ZNF787: variants seen among roughly 807,000 people sequenced by gnomAD.
ZNF787 encodes the protein zinc finger protein 787, also known as TTF-I-interacting peptide 20.
ZNF787 carries 7 observed loss-of-function variants against 16.9 expected under a neutral mutation model. The observed-to-expected ratio is 0.42, with a 90% confidence interval of 0.24 to 0.78. The LOEUF is 0.78. Ranked by LOEUF, ZNF787 falls within the 30% of genes least tolerant of loss-of-function variation. ZNF787 has a pLI of 0.30. For synonymous variants in ZNF787, 345 were observed against 270.9 expected, an observed-to-expected ratio of 1.27 and a Z score of -2.69; for missense variants, 551 against 589.3, an observed-to-expected ratio of 0.94 and a Z score of 0.67.
chr19:56,094,581 G>A (rs1176077096), intron 2 of ZNF787, among the ~76,000 whole-genome samples: 4 of 151,940 alleles, frequency 2.6e-5, no homozygotes, highest in African/African-American at 9.7e-5. Context: ...CATTCTGAAA[G>A]GTTTTTGTTC....
intron 2 of ZNF787, among the ~76,000 whole-genome samples, chr19:56,100,252 A>T (rs1986040686): frequency 1.3e-5 from 2 of 151,908 alleles, no homozygotes; most frequent in South Asian, 4.1e-4. Flanking sequence ...TGCCTCCAAC[A>T]CAGGACATAG....
At chr19:56,119,457 T>C (rs923525233) in intron 1 of ZNF787, among the ~76,000 whole-genome samples, 2 of 152,218 alleles carry the variant, frequency 1.3e-5, no homozygotes, top group African/African-American at 4.8e-5. Context: ...CCATTTACTT[T>C]ACACCCATCT....
In ZNF787 at chr19:56,088,309, C is replaced by G. The variant is rs1985419080; in HGVS notation, c.863G>C (p.Gly288Ala). ...CAGGAGCCCGGCCCCGTGCCCGAAG[C>G]CCTTCCCGCACTCCAGACACACGTA... Reference protein sequence around the residue: ...KPYVCLECGKGFGHGAGLLAH... With the variant: ...KPYVCLECGKAFGHGAGLLAH... The change falls in exon 3 of 3, where the codon GGC becomes GCC. Residue 288 changes from glycine (G) to alanine (A), a missense_variant. Physicochemically the swap from Gly to Ala is moderately conservative, Grantham distance 60. This residue lies in a region of ZNF787 where 392 missense variants were observed against 312.7 expected (regional missense o/e 1.25). Transcript: ENST00000610935. The surrounding 1 kb of genome is among the most constrained non-coding windows in gnomAD (Gnocchi z 8.6). 1.5e-6 allele frequency: 2 copies of G among 1,333,070 alleles called. No individual in the cohort carries two copies. The highest frequency in any genetic ancestry group is 4.1e-5 in the Admixed American group (1 of 24,620). 82.6% of individuals were successfully genotyped at this position (1,333,070 alleles called of 1,614,324 possible).
chr19:56,112,408 G>A (rs532763163), intron 1 of ZNF787, among the ~76,000 whole-genome samples: 44 of 152,264 alleles, frequency 2.9e-4, no homozygotes, highest in Non-Finnish European at 3.8e-4. Context: ...CCTGGAGCAC[G>A]GGCAGGGGTG....
At chr19:56,115,403 G>A (rs1280858251) in intron 1 of ZNF787, among the ~76,000 whole-genome samples, 1 of 139,454 alleles carries the variant, frequency 7.2e-6, no homozygotes, top group African/African-American at 2.7e-5. Flanking sequence ...CTGTCGCCCA[G>A]GCTGGAGTGC....
intron 1 of ZNF787, among the ~76,000 whole-genome samples, chr19:56,113,014 T>G (rs1367481603): frequency 6.6e-6 from 1 of 152,022 alleles, no homozygotes; most frequent in Non-Finnish European, 1.5e-5. Flanking sequence ...CCCTGCCTCT[T>G]GGAAGTGCCC....
Position 56,087,466 on chromosome 19 carries a change from A to ACCCGGAATCCAG in ZNF787, c.*545_*556dup, listed in dbSNP as rs949375664. ...CGCCTCCTGCGGCGCTGCCTCTGCTACCCGGAATCCAGGAGGGGAAGGAAC... is the reference window on the plus strand; with the variant it reads ...CGCCTCCTGCGGCGCTGCCTCTGCTACCCGGAATCCAGCCCGGAATCCAGGAGGGGAAGGAAC... On this transcript the variant is annotated 3_prime_UTR_variant, in exon 3 of 3. Transcript: ENST00000610935. 14 of 152,210 alleles carry ACCCGGAATCCAG rather than the reference A, an allele frequency of 9.2e-5. No individual in the cohort carries two copies. Among genetic ancestry groups the ACCCGGAATCCAG allele is most frequent in the African/African-American group, 3.4e-4 (14 of 41,512 alleles). The allele number at this position is 152,210 out of a possible 1,614,324, so 9.4% of individuals were successfully genotyped here.
Position 56,088,581 on chromosome 19 carries a change from C to T in ZNF787, c.591G>A (p.Leu197=). ...GCCCCGACAGCTCCGGGTGCAGCCG[C>T]AGGTGACGCGCGAGGCTCTTGGGCT... ...FSQPKSLARH[L]RLHPELSGPG... is the part of the protein sequence containing the mutation. The change falls in exon 3 of 3, where the codon CTG becomes CTA. Residue 197 remains leucine, a synonymous_variant. Transcript: ENST00000610935. This position sits in a 1 kb window ranked among gnomAD's most constrained non-coding sequence, Gnocchi z 8.6. The T allele has an allele frequency of 6.6e-7, 1 of 1,509,322 alleles. No homozygotes were observed. Among genetic ancestry groups the T allele is most frequent in the Non-Finnish European group, 8.8e-7 (1 of 1,136,464 alleles). The allele number at this position is 1,509,322 out of a possible 1,614,324, so 93.5% of individuals were successfully genotyped here.
Position 56,088,348 on chromosome 19 carries a change from G to GGGGCGCGCCGCGACC in ZNF787, c.809_823dup (p.Arg270_Ala274dup), listed in dbSNP as rs1399507489. 2 of 1,169,702 alleles carry GGGGCGCGCCGCGACC rather than the reference G, an allele frequency of 1.7e-6. No individual in the cohort carries two copies. The highest frequency in any genetic ancestry group is 4.8e-5 in the Admixed American group (1 of 20,938). The allele number at this position is 1,169,702 out of a possible 1,614,324, so 72.5% of individuals were successfully genotyped here. A position where few individuals can be genotyped will look rare whatever the true frequency, so the allele number is the denominator to read the frequency against. On this transcript the variant is annotated inframe_insertion, in exon 3 of 3. Coordinates refer to ENST00000610935, the MANE Select transcript of ZNF787 (RefSeq NM_001002836.4). The surrounding 1 kb of genome is among the most constrained non-coding windows in gnomAD (Gnocchi z 8.6). ...CAGACACACGTACGGCTTGGGGGCC[G>GGGGCGCGCCGCGACC]GGGCGCGCCGCGACCGGGGCCCCGC... is the stretch of plus-strand genomic sequence containing the variant.
At chr19:56,097,509 C>G (rs761515671) in intron 2 of ZNF787, among the ~76,000 whole-genome samples, 4 of 152,242 alleles carry the variant, frequency 2.6e-5, no homozygotes, top group Non-Finnish European at 5.9e-5. Flanking sequence ...CTCAGCCCGG[C>G]AGGCAGTAGG....
intron 1 of ZNF787, 198 bp from the exon 2 acceptor site, chr19:56,103,425 G>A: frequency 2.2e-6 from 1 of 459,710 alleles, no homozygotes; most frequent in Non-Finnish European, 3.8e-6. Context: ...GGCCAGCCAA[G>A]GCCTCACACA....
intron 2 of ZNF787, among the ~76,000 whole-genome samples, chr19:56,096,678 A>T (rs1264702610): frequency 6.6e-6 from 1 of 152,100 alleles, no homozygotes; most frequent in Non-Finnish European, 1.5e-5. Context: ...GTGCCGTTGC[A>T]CTCCAGCCTG....
chr19:56,119,304 G>A (rs1385364564), intron 1 of ZNF787, among the ~76,000 whole-genome samples: 7 of 152,200 alleles, frequency 4.6e-5, no homozygotes, highest in Admixed American at 3.9e-4. Flanking sequence ...TTTACTCAGG[G>A]AATTGTGAAC....
rs574752988 is a variant in ZNF787, at chr19:56,113,922, C to T, written c.-11+7250G>A. 5.3e-5 allele frequency among the ~76,000 whole-genome samples: 8 copies of T among 152,146 alleles called. 1 individual carries two copies. Among genetic ancestry groups the T allele is most frequent in the Admixed American group, 1.3e-4 (2 of 15,278 alleles). ...TCGGCTCACTGCAACCTTCGCCTCC[C>T]GGGTTCAAGGGATTCTCCTGCCTCT... On this transcript the variant is annotated intron_variant, in intron 1 of 2. Coordinates refer to ENST00000610935, the MANE Select transcript of ZNF787 (RefSeq NM_001002836.4).
chr19:56,114,767 G>A (rs2030083245), intron 1 of ZNF787, among the ~76,000 whole-genome samples: 1 of 151,986 alleles, frequency 6.6e-6, no homozygotes, highest in Non-Finnish European at 1.5e-5. Context: ...GCTCCCTGAG[G>A]GCAGGTGCCA....
chr19:56,112,878 T>TGGGCCCCCCC (rs2030021420), intron 1 of ZNF787, among the ~76,000 whole-genome samples: 1 of 126,460 alleles, frequency 7.9e-6, no homozygotes, highest in Non-Finnish European at 1.6e-5. Flanking sequence ...GACCAGCCGT[T>TGGGCCCCCCC]CCCCCCACCC....
intron 1 of ZNF787, among the ~76,000 whole-genome samples, chr19:56,103,744 A>G (rs936134447): frequency 2.0e-5 from 3 of 151,882 alleles, no homozygotes; most frequent in Non-Finnish European, 2.9e-5. Context: ...CGTGCCACAC[A>G]CCGTGAGGGT....
intron 1 of ZNF787, among the ~76,000 whole-genome samples, chr19:56,107,706 C>T (rs1232523746): frequency 2.0e-5 from 3 of 150,552 alleles, no homozygotes; most frequent in East Asian, 2.0e-4. Flanking sequence ...GAGAAAGTGA[C>T]GGGCAGCTCT....
intron 2 of ZNF787, among the ~76,000 whole-genome samples, chr19:56,097,950 G>T (rs890905653): frequency 6.7e-6 from 1 of 149,716 alleles, no homozygotes; most frequent in African/African-American, 2.6e-5. Flanking sequence ...GAGGCATGGA[G>T]ACTTTTGTTC....
Sources: gnomAD v4.1 joint callset for allele counts (sites outside exome capture counted in the v4.1 genomes callset) on GRCh38, gnomAD v4.1.1 for gene constraint, gnomAD v4.1.1 regional missense constraint, Gnocchi (gnomAD v3.1) non-coding constraint, MANE v1.5 for transcripts, NCBI Gene and HGNC (gene_info 2026-07-23, HGNC 2026-07-21) for gene names.